PGR: variants seen among roughly 807,000 people sequenced by gnomAD.
The protein encoded by PGR is nuclear receptor subfamily 3 group C member 3.
In PGR, 25 loss-of-function variants were observed where a neutral mutation model predicts 76.1. That is an observed-to-expected ratio of 0.33 (90% confidence interval 0.24 to 0.46). The LOEUF (loss-of-function observed/expected upper bound fraction) is 0.46. PGR is among the 20% of genes least tolerant of loss of function. PGR has a pLI of 1.00. For synonymous variants in PGR, 579 were observed against 535.0 expected (o/e 1.08, Z -1.14); for missense variants, 1,172 against 1,225.3 (o/e 0.96, Z 0.65).
At chr11:101,105,608 C>T (rs936470436) in intron 2 of PGR, among the ~76,000 whole-genome samples, 2 of 151,364 alleles carry the variant, frequency 1.3e-5, no homozygotes, top group African/African-American at 4.9e-5. Flanking sequence ...ACATTCCATG[C>T]TCATGGGTAG....
intron 2 of PGR, among the ~76,000 whole-genome samples, chr11:101,092,609 T>A (rs1386900034): frequency 6.6e-6 from 1 of 152,166 alleles, no homozygotes; most frequent in Non-Finnish European, 1.5e-5. Context: ...AAACTATGGA[T>A]GCCTTTAAAA....
At position 101,031,176 on chromosome 11, in the gene PGR, G is replaced by C. The variant is rs986602986; in HGVS notation, c.*7940C>G. The stretch of plus-strand genomic sequence containing the variant: ...GAATGTGCTAAGCCAGCAAGAAATG[G>C]AAGTTAGCAAAGTCCCAGCACTCTG... On this transcript the variant is annotated 3_prime_UTR_variant, in exon 8 of 8. Transcript: ENST00000325455. 9.3e-6 allele frequency: 2 copies of C among 214,670 alleles called. No homozygotes were observed. The highest frequency in any genetic ancestry group is 9.4e-6 in the Non-Finnish European group (1 of 106,202). 13.3% of individuals were successfully genotyped at this position (214,670 alleles called of 1,614,324 possible).
chr11:101,117,831 T>C (rs764444207), intron 2 of PGR, among the ~76,000 whole-genome samples: 3 of 152,220 alleles, frequency 2.0e-5, no homozygotes, highest in Non-Finnish European at 4.4e-5. Flanking sequence ...TTAATTGGGG[T>C]AAGTTAACTA....
chr11:101,117,911 T>A (rs867309398), intron 2 of PGR, among the ~76,000 whole-genome samples: 39 of 152,326 alleles, frequency 2.6e-4, no homozygotes, highest in African/African-American at 8.7e-4. Flanking sequence ...TTGTGAAGAA[T>A]AGAAATATTA....
In PGR at chr11:101,129,278, G is replaced by T. The variant is rs891943459; in HGVS notation, c.-208C>A. The T allele has an allele frequency of 5.8e-6, 3 of 519,078 alleles. No homozygotes were observed. Among genetic ancestry groups the T allele is most frequent in the Non-Finnish European group, 1.0e-5 (3 of 294,858 alleles). 32.2% of individuals were successfully genotyped at this position (519,078 alleles called of 1,614,324 possible). A position where few individuals can be genotyped will look rare whatever the true frequency, so the allele number is the denominator to read the frequency against. ...CTTGGCCTCCATCCTGTCGTCAGGG[G>T]AACTGTGGCTGTCGTTTGTCCCAGC... On this transcript the variant is annotated 5_prime_UTR_variant, in exon 1 of 8. Coordinates refer to ENST00000325455, the MANE Select transcript of PGR (RefSeq NM_000926.4).
intron 3 of PGR, among the ~76,000 whole-genome samples, chr11:101,073,339 G>A (rs1861012306): frequency 6.6e-6 from 1 of 152,084 alleles, no homozygotes; most frequent in African/African-American, 2.4e-5. Context: ...TTGTTTAGAG[G>A]GAAATTTATA....
At position 101,031,018 on chromosome 11, in the gene PGR, T is replaced by C. The variant is rs1202891458; in HGVS notation, c.*8098A>G. 2 of 190,384 alleles carry C rather than the reference T, an allele frequency of 1.1e-5. No homozygotes were observed. The highest frequency in any genetic ancestry group is 2.3e-5 in the African/African-American group (1 of 42,902). 11.8% of individuals were successfully genotyped at this position (190,384 alleles called of 1,614,324 possible). ...ATGCTTGCCTGTAAAGTCTGCAACA[T>C]CTTAGAGAAGCTTGGATTTAGTGTG... On this transcript the variant is annotated 3_prime_UTR_variant, in exon 8 of 8. Transcript: ENST00000325455.
chr11:101,123,407 G>A (rs192505204), intron 2 of PGR, among the ~76,000 whole-genome samples: 180 of 152,202 alleles, frequency 1.2e-3, no homozygotes, highest in Middle Eastern at 3.4e-3. Flanking sequence ...TGAAGATTTT[G>A]AACCTGATAT....
intron 3 of PGR, among the ~76,000 whole-genome samples, chr11:101,073,413 A>C (rs1036592810): frequency 6.6e-6 from 1 of 152,196 alleles, no homozygotes; most frequent in Non-Finnish European, 1.5e-5. Flanking sequence ...ATCACAATTA[A>C]AAGAACTAGC....
rs899390848 is a variant in PGR at position 101,100,634 on chromosome 11, C to A, written c.1790-8758G>T. Among the ~76,000 whole-genome samples the A allele has an allele frequency of 2.7e-5, 4 of 149,748 alleles. No homozygotes were observed. The East Asian group carries it at 5.8e-4, about 22-fold the overall frequency. On this transcript the variant is annotated intron_variant, in intron 2 of 7. Coordinates refer to ENST00000325455, the MANE Select transcript of PGR (RefSeq NM_000926.4). The stretch of plus-strand genomic sequence containing the variant: ...ACACACACACACACACACACACACA[C>A]AATACATACAGATAAAACAACTAGT...
intron 2 of PGR, among the ~76,000 whole-genome samples, chr11:101,099,398 T>G (rs926290730): frequency 1.3e-5 from 2 of 152,164 alleles, no homozygotes; most frequent in Non-Finnish European, 2.9e-5. Flanking sequence ...GCGGTTACTT[T>G]TGGGGAATGA....
chr11:101,057,817 G>C lies in PGR; in HGVS notation c.2212+4630C>G, dbSNP rs1860346986. ...ACTGGAAAAGGCCTTAGGTTTAGGG[G>C]GTCATGCTGACTTAGAAGTCATCTG... On this transcript the variant is annotated intron_variant, in intron 4 of 7. Coordinates refer to ENST00000325455, the MANE Select transcript of PGR (RefSeq NM_000926.4). Among the ~76,000 whole-genome samples, 6 of 152,106 alleles carry C rather than the reference G, an allele frequency of 3.9e-5. No homozygotes were observed. The South Asian group carries it at 1.0e-3, about 26-fold the overall frequency.
At chr11:101,107,438 T>C (rs561493656) in intron 2 of PGR, among the ~76,000 whole-genome samples, 32 of 152,302 alleles carry the variant, frequency 2.1e-4, no homozygotes, top group Admixed American at 1.3e-3. Context: ...AAGTACTTAG[T>C]TATAATTGAC....
intron 2 of PGR, among the ~76,000 whole-genome samples, chr11:101,121,026 C>G (rs1862657351): frequency 6.6e-6 from 1 of 152,132 alleles, no homozygotes; most frequent in South Asian, 2.1e-4. Context: ...TTTTTCAGTA[C>G]AGTAGAGATT....
intron 6 of PGR, among the ~76,000 whole-genome samples, chr11:101,046,483 T>C (rs1859893202): frequency 6.6e-6 from 1 of 151,742 alleles, no homozygotes; most frequent in Non-Finnish European, 1.5e-5. Context: ...AATGTAAAAA[T>C]GTTTGTTCAA....
chr11:101,052,269 CTGTGTG>C (rs55925008), intron 4 of PGR, among the ~76,000 whole-genome samples: 7,597 of 141,614 alleles, frequency 0.054, 200 homozygotes, highest in East Asian at 0.11. Context: ...GATTTAGAAT[CTGTGTG>C]TGTGTGTGTG....
At chr11:101,068,769 AG>A (rs1860813943) in intron 3 of PGR, among the ~76,000 whole-genome samples, 1 of 152,062 alleles carries the variant, frequency 6.6e-6, no homozygotes, top group Non-Finnish European at 1.5e-5. Flanking sequence ...CAATGGGGAA[AG>A]GATTCCCTAT....
At chr11:101,106,445 A>C (rs1410601016) in intron 2 of PGR, among the ~76,000 whole-genome samples, 1 of 152,234 alleles carries the variant, frequency 6.6e-6, no homozygotes, top group Non-Finnish European at 1.5e-5. Flanking sequence ...ACATTTATGC[A>C]GCCGACAGAC....
intron 1 of PGR, 112 bp from the exon 2 acceptor site, chr11:101,126,270 T>C: frequency 1.0e-6 from 1 of 956,934 alleles, no homozygotes; most frequent in Non-Finnish European, 1.6e-6. Context: ...AAAACAGAAC[T>C]GTATATATAC....
Sources: gnomAD v4.1 joint callset for allele counts (sites outside exome capture counted in the v4.1 genomes callset) on GRCh38, gnomAD v4.1.1 for gene constraint, MANE v1.5 for transcripts, NCBI Gene and HGNC (gene_info 2026-07-23, HGNC 2026-07-21) for gene names.